STX12: variants seen among roughly 807,000 people sequenced by gnomAD.
STX12 encodes the protein syntaxin 12.
A neutral mutation model predicts 42.2 loss-of-function variants in STX12; 17 were observed. That is an observed-to-expected ratio of 0.40 (90% CI 0.28 to 0.60). The LOEUF (loss-of-function observed/expected upper bound fraction) is 0.60. STX12 is among the 20% of genes least tolerant of loss of function. STX12 has a pLI of 0.39. For missense variants in STX12, 297 were observed against 330.9 expected, an observed-to-expected ratio of 0.90 and a Z score of 0.79; for synonymous variants, 108 against 116.7, an observed-to-expected ratio of 0.93 and a Z score of 0.48.
intron 3 of STX12, among the ~76,000 whole-genome samples, chr1:27,799,485 T>G (rs992501585): frequency 9.4e-5 from 14 of 148,998 alleles, no homozygotes; most frequent in Non-Finnish European, 1.5e-4. Context: ...TTGTTTTTTT[T>G]TTTGTTTTTT....
intron 3 of STX12, among the ~76,000 whole-genome samples, chr1:27,799,160 CA>C (rs1557802937): frequency 6.6e-6 from 1 of 152,164 alleles, no homozygotes; most frequent in Non-Finnish European, 1.5e-5. Flanking sequence ...GTATTACCAT[CA>C]CTCTTCCAGG....
chr1:27,787,695 T>C (rs989670725), intron 1 of STX12, among the ~76,000 whole-genome samples: 4 of 151,994 alleles, frequency 2.6e-5, no homozygotes, highest in African/African-American at 7.2e-5. Context: ...TAGCATGTCA[T>C]TGGTATTGTA....
chr1:27,818,794 A>G (rs976130431), intron 7 of STX12, among the ~76,000 whole-genome samples: 2 of 151,664 alleles, frequency 1.3e-5, no homozygotes, highest in South Asian at 4.2e-4. Flanking sequence ...CACGCCCGCT[A>G]ATTTTGTAGT....
At position 27,822,653 on chromosome 1, in the gene STX12, C is replaced by A; in HGVS notation, c.*324C>A. The stretch of plus-strand genomic sequence containing the variant: ...GTTTTGACAAATGACACTACAGTCT[C>A]GTAATATTGTCTTTTATGTATATAC... On this transcript the variant is annotated 3_prime_UTR_variant, in exon 9 of 9. Transcript: ENST00000373943. The A allele has an allele frequency of 4.6e-6, 1 of 218,672 alleles. No homozygotes were observed. The allele number at this position is 218,672 out of a possible 1,614,324, so 13.5% of individuals were successfully genotyped here.
chr1:27,776,508 G>A (rs2088628815), intron 1 of STX12, among the ~76,000 whole-genome samples: 1 of 152,074 alleles, frequency 6.6e-6, no homozygotes, highest in Admixed American at 6.6e-5. Flanking sequence ...GAGGCCAGGA[G>A]TTTGACACTA....
intron 1 of STX12, 49 bp from the exon 2 acceptor site, chr1:27,789,511 TGA>T: frequency 7.1e-7 from 1 of 1,407,714 alleles, no homozygotes; most frequent in Non-Finnish European, 9.9e-7. Context: ...AGGGTACTCA[TGA>T]TGAATGTATT....
At chr1:27,817,043 AGAGG>A (rs1004460068) in intron 6 of STX12, among the ~76,000 whole-genome samples, 6 of 141,452 alleles carry the variant, frequency 4.2e-5, no homozygotes, top group Admixed American at 7.1e-5. Context: ...GGAAGGAAAG[AGAGG>A]GAGGGAGGAA....
intron 8 of STX12, 87 bp from the exon 9 acceptor site, chr1:27,822,144 G>A (rs974126960): frequency 1.2e-6 from 1 of 817,656 alleles, no homozygotes; most frequent in Non-Finnish European, 2.1e-6. Context: ...ATTACAAGGA[G>A]GCAGATTTAT....
At chr1:27,810,365 C>A (rs1571530530) in intron 5 of STX12, 76 bp downstream of exon 5, 3 of 1,408,396 alleles carry the variant, frequency 2.1e-6, no homozygotes, top group South Asian at 1.2e-5. Flanking sequence ...TTTTAAAAAT[C>A]AATGAAAAAA....
intron 1 of STX12, among the ~76,000 whole-genome samples, chr1:27,787,938 T>A (rs950274767): frequency 6.6e-6 from 1 of 152,212 alleles, no homozygotes; most frequent in East Asian, 1.9e-4. Context: ...ATTCACAAAT[T>A]ATACAATATA....
intron 3 of STX12, among the ~76,000 whole-genome samples, chr1:27,795,002 C>T (rs1207337472): frequency 6.6e-6 from 1 of 152,206 alleles, no homozygotes; most frequent in Non-Finnish European, 1.5e-5. Context: ...GGATTATAGA[C>T]ATGAGCCACT....
At chr1:27,782,726 C>T (rs1008620716) in intron 1 of STX12, among the ~76,000 whole-genome samples, 2 of 152,122 alleles carry the variant, frequency 1.3e-5, no homozygotes, top group African/African-American at 2.4e-5. Context: ...ATCCCAGCTA[C>T]TTGGGAAGCT....
In STX12 at chr1:27,793,524, C is replaced by G; in HGVS notation, c.189-9C>G. On this transcript the variant is annotated splice_polypyrimidine_tract_variant and intron_variant, in intron 2 of 8. Transcript: ENST00000373943. ...GACAACATCCTGAAACATATCTTTT[C>G]TCTCTTAGGCAACAGTTACAACACT... is the stretch of plus-strand genomic sequence containing the variant. 1 of 1,612,340 alleles carries G rather than the reference C, an allele frequency of 6.2e-7. No homozygotes were observed.
At chr1:27,793,222 T>C (rs1482087321) in intron 2 of STX12, among the ~76,000 whole-genome samples, 3 of 152,236 alleles carry the variant, frequency 2.0e-5, no homozygotes, top group Non-Finnish European at 4.4e-5. Flanking sequence ...TGGGCGGCAA[T>C]TGTTCTTTTT....
chr1:27,797,620 C>T (rs2148602155), intron 3 of STX12, among the ~76,000 whole-genome samples: 1 of 152,148 alleles, frequency 6.6e-6, no homozygotes. Flanking sequence ...TGATCATGAC[C>T]TCAGATCTTT....
intron 5 of STX12, 140 bp from the exon 6 acceptor site, chr1:27,812,023 C>A: frequency 1.4e-6 from 1 of 739,070 alleles, no homozygotes; most frequent in Non-Finnish European, 2.4e-6. Flanking sequence ...GAATGTGGCC[C>A]TCCAAGACTT....
intron 5 of STX12, 121 bp downstream of exon 5, chr1:27,810,410 T>A (rs2148606044): frequency 1.2e-6 from 1 of 848,392 alleles, no homozygotes; most frequent in Middle Eastern, 3.3e-4. Flanking sequence ...CTGGAGTGGA[T>A]AACATAATCC....
rs917191509 is a variant in STX12, at chr1:27,812,287, T to G, written c.576+19T>G. ...GCTGGAGGTGAGAGCCACGTCATGT[T>G]TTTTGTTTGACTCAGTGTGTCTGCA... is the stretch of plus-strand genomic sequence containing the variant. On this transcript the variant is annotated intron_variant, in intron 6 of 8. Coordinates refer to ENST00000373943, the MANE Select transcript of STX12 (RefSeq NM_177424.3). 2 of 1,544,642 alleles carry G rather than the reference T, an allele frequency of 1.3e-6. No homozygotes were observed. Among genetic ancestry groups the G allele is most frequent in the African/African-American group, 2.7e-5 (2 of 72,888 alleles).
chr1:27,776,836 A>C (rs1335032669), intron 1 of STX12, among the ~76,000 whole-genome samples: 1 of 152,244 alleles, frequency 6.6e-6, no homozygotes, highest in Non-Finnish European at 1.5e-5. Flanking sequence ...TGTGGGGGAA[A>C]TACCTGAAGC....
Sources: allele counts gnomAD v4.1 joint callset (sites outside exome capture counted in the v4.1 genomes callset), GRCh38; gene constraint gnomAD v4.1.1; transcripts MANE v1.5; gene names NCBI Gene and HGNC (gene_info 2026-07-23, HGNC 2026-07-21).